RAMP1: variants seen among roughly 807,000 people sequenced by gnomAD.
RAMP1 encodes the protein receptor activity-modifying protein 1.
Under a neutral mutation model 8.2 loss-of-function variants are expected in RAMP1, and 7 were observed. The ratio of observed to expected loss-of-function variants is 0.85; its 90% confidence interval spans 0.49 to 1.60. The LOEUF is 1.60. Ranked by LOEUF, RAMP1 falls within the 40% of genes most tolerant of loss-of-function variation. RAMP1 has a pLI of 0.00. For missense variants in RAMP1, 192 were observed against 202.4 expected (o/e 0.95, Z 0.31); for synonymous variants, 92 against 84.7 (o/e 1.09, Z -0.47).
In RAMP1 at chr2:237,907,379, T is replaced by C. The variant is rs183874406; in HGVS notation, c.192-4149T>C. On this transcript the variant is annotated intron_variant, in intron 2 of 2. Coordinates refer to ENST00000254661, the MANE Select transcript of RAMP1 (RefSeq NM_005855.4). ...ATTATTTTTTTAAAAGCCTGAGCCA[T>C]TATCTCTTCAAATATTTCTTCTGCT... is the stretch of plus-strand genomic sequence containing the variant. Among the ~76,000 whole-genome samples, 4 of 152,302 alleles carry C rather than the reference T, an allele frequency of 2.6e-5. No homozygotes were observed. In the East Asian group the frequency reaches 7.7e-4, roughly 29 times the overall value.
intron 2 of RAMP1, among the ~76,000 whole-genome samples, chr2:237,881,567 A>G (rs1278753159): frequency 6.6e-6 from 1 of 152,210 alleles, no homozygotes; most frequent in Non-Finnish European, 1.5e-5. Context: ...GTTTCCCCAG[A>G]CCCACCAACA....
At position 237,877,177 on chromosome 2, in the gene RAMP1, G is replaced by T; in HGVS notation, c.53-47G>T. On this transcript the variant is annotated intron_variant, in intron 1 of 2. Transcript: ENST00000254661. The surrounding 1 kb of genome is among the most constrained non-coding windows in gnomAD (Gnocchi z 4.4). The stretch of plus-strand genomic sequence containing the variant: ...GCGCGGGCTGGCGGTGATACCCCTA[G>T]GCCTCTGCTGCCGCCCGCCATCTCT... 1 of 1,611,276 alleles carries T rather than the reference G, an allele frequency of 6.2e-7. No individual in the cohort carries two copies.
chr2:237,882,573 G>A (rs962475186), intron 2 of RAMP1, among the ~76,000 whole-genome samples: 1 of 152,170 alleles, frequency 6.6e-6, no homozygotes, highest in Admixed American at 6.5e-5. Context: ...CTCCTGAGAT[G>A]GGGATGCAAG....
intron 2 of RAMP1, among the ~76,000 whole-genome samples, chr2:237,887,393 C>T (rs1225710345): frequency 1.3e-5 from 2 of 151,688 alleles, no homozygotes; most frequent in African/African-American, 4.9e-5. Context: ...TCGAGGACAC[C>T]GAGTATCTTG....
At chr2:237,871,144 G>A (rs371862146) in intron 1 of RAMP1, among the ~76,000 whole-genome samples, 159 of 152,326 alleles carry the variant, frequency 1.0e-3, no homozygotes, top group African/African-American at 3.7e-3. Flanking sequence ...GCTGCTCAGA[G>A]GTGTCAGTGG....
intron 2 of RAMP1, among the ~76,000 whole-genome samples, chr2:237,879,247 G>C (rs574420954): frequency 5.6e-4 from 85 of 152,246 alleles, no homozygotes; most frequent in African/African-American, 1.9e-3. Flanking sequence ...GTTAATTTGT[G>C]TAGATTGATT....
Position 237,912,092 on chromosome 2 carries a change from A to G in RAMP1, c.*309A>G, listed in dbSNP as rs1559179812. The G allele has an allele frequency of 5.0e-6, 2 of 400,010 alleles. No individual in the cohort carries two copies. The highest frequency in any genetic ancestry group is 4.6e-5 in the South Asian group (1 of 21,878). The allele number at this position is 400,010 out of a possible 1,614,324, so 24.8% of individuals were successfully genotyped here. A position where few individuals can be genotyped will look rare whatever the true frequency, so the allele number is the denominator to read the frequency against. On this transcript the variant is annotated 3_prime_UTR_variant, in exon 3 of 3. Coordinates refer to ENST00000254661, the MANE Select transcript of RAMP1 (RefSeq NM_005855.4). ...TGTGGATGAGTGGTTTGTGATTAAA[A>G]GGGATGTTCTTGAACTTGGAAAGAC...
At chr2:237,884,968 T>C (rs1319804105) in intron 2 of RAMP1, among the ~76,000 whole-genome samples, 2 of 152,156 alleles carry the variant, frequency 1.3e-5, no homozygotes, top group Non-Finnish European at 2.9e-5. Context: ...GCAAGACAAA[T>C]GTCTGCAGTG....
At position 237,869,276 on chromosome 2, in the gene RAMP1, G is replaced by A. The variant is rs1028222962; in HGVS notation, c.53-7948G>A. Among the ~76,000 whole-genome samples, 7 of 152,094 alleles carry A rather than the reference G, an allele frequency of 4.6e-5. No homozygotes were observed. The East Asian group carries it at 5.8e-4, about 13-fold the overall frequency. ...TCATTGCTTTTTTAATTTTAATTGC[G>A]GTAAAGTATACACCACATAAAATGT... On this transcript the variant is annotated intron_variant, in intron 1 of 2. Transcript: ENST00000254661.
chr2:237,895,200 T>TA (rs1375089719), intron 2 of RAMP1, among the ~76,000 whole-genome samples: 2 of 152,130 alleles, frequency 1.3e-5, no homozygotes, highest in African/African-American at 4.8e-5. Context: ...GGCCACGTGT[T>TA]GCCTGCCTGT....
At chr2:237,873,944 C>T (rs947559152) in intron 1 of RAMP1, among the ~76,000 whole-genome samples, 39 of 152,262 alleles carry the variant, frequency 2.6e-4, no homozygotes, top group South Asian at 1.0e-3. Flanking sequence ...TCCCATAGGG[C>T]GGGAAAGAAA....
At chr2:237,893,823 C>A (rs1003858543) in intron 2 of RAMP1, among the ~76,000 whole-genome samples, 19 of 152,026 alleles carry the variant, frequency 1.2e-4, no homozygotes, top group South Asian at 2.1e-4. Context: ...CCTGCAGTCC[C>A]AGCTACTCGG....
At position 237,911,890 on chromosome 2, in the gene RAMP1, C is replaced by T. The variant is rs1284720753; in HGVS notation, c.*107C>T. 7.7e-6 allele frequency: 11 copies of T among 1,422,804 alleles called. No individual in the cohort carries two copies. The East Asian group carries it at 2.8e-4, about 36-fold the overall frequency. The allele number at this position is 1,422,804 out of a possible 1,614,324, so 88.1% of individuals were successfully genotyped here. ...TTGGGACAGAGCAGGCCCACAATGC[C>T]CCCCTTCTTCCAGCCAAGAAGAGCT... On this transcript the variant is annotated 3_prime_UTR_variant, in exon 3 of 3. Transcript: ENST00000254661.
At chr2:237,902,873 A>C (rs34934971) in intron 2 of RAMP1, among the ~76,000 whole-genome samples, 3 of 152,120 alleles carry the variant, frequency 2.0e-5, no homozygotes, top group African/African-American at 7.2e-5. Context: ...AAACCCAAAA[A>C]AGTTGAGAGA....
At chr2:237,893,516 C>CCTTCTTTCACTTCTTTGT (rs1378622064) in intron 2 of RAMP1, among the ~76,000 whole-genome samples, 2 of 152,194 alleles carry the variant, frequency 1.3e-5, no homozygotes, top group Non-Finnish European at 2.9e-5. Context: ...ATTATTTTTG[C>CCTTCTTTCACTTCTTTGT]CTTCTTTCAC....
At chr2:237,872,926 G>A (rs1304778636) in intron 1 of RAMP1, among the ~76,000 whole-genome samples, 2 of 152,208 alleles carry the variant, frequency 1.3e-5, no homozygotes, top group Non-Finnish European at 2.9e-5. Context: ...AGGCTGAGGT[G>A]GAAGGATTGC....
intron 1 of RAMP1, among the ~76,000 whole-genome samples, chr2:237,862,000 C>A (rs948801075): frequency 1.3e-5 from 2 of 152,088 alleles, no homozygotes; most frequent in African/African-American, 4.8e-5. Flanking sequence ...AAGAAGGATG[C>A]GTTAGAAGCC....
intron 2 of RAMP1, among the ~76,000 whole-genome samples, chr2:237,880,981 GTCCCTCCTC>G (rs2062363410): frequency 6.6e-6 from 1 of 152,170 alleles, no homozygotes; most frequent in Admixed American, 6.5e-5. Flanking sequence ...AACTGGCATT[GTCCCTCCTC>G]CTCCTGCCCC....
intron 2 of RAMP1, among the ~76,000 whole-genome samples, chr2:237,897,500 ATTCT>A (rs909608160): frequency 3.9e-5 from 6 of 152,130 alleles, no homozygotes; most frequent in Admixed American, 2.6e-4. Flanking sequence ...CCCTCCCAAG[ATTCT>A]TTCTTTGGTG....
Sources: allele counts gnomAD v4.1 joint callset (sites outside exome capture counted in the v4.1 genomes callset), GRCh38; gene constraint gnomAD v4.1.1; non-coding constraint Gnocchi (gnomAD v3.1); transcripts MANE v1.5; gene names NCBI Gene and HGNC (gene_info 2026-07-23, HGNC 2026-07-21).